FRMD4A: variants seen among roughly 807,000 people sequenced by gnomAD.
The protein encoded by FRMD4A is FERM domain containing 4A, also known as FERM domain-containing protein 4A.
Under a neutral mutation model 129.1 loss-of-function variants are expected in FRMD4A, and 29 were observed. The ratio of observed to expected loss-of-function variants is 0.22; its 90% CI spans 0.17 to 0.31. FRMD4A has a LOEUF of 0.31. Among genes scored for constraint, FRMD4A ranks in the 10% least tolerant of loss-of-function variants. The pLI is 1.00. For missense variants in FRMD4A, 1,272 were observed against 1,375.8 expected, an observed-to-expected ratio of 0.92 and a Z score of 1.19; for synonymous variants, 634 against 571.6, an observed-to-expected ratio of 1.11 and a Z score of -1.56.
chr10:13,656,705 A>C lies in FRMD4A; in HGVS notation c.2884T>G (p.Ser962Ala). ...TGCGCCACGAAGGTGCTCTGGGAGG[A>C]GGTGCTGTACTGCGAGCCGCTGTCC... ...SSDSGSQYST[S>A]SQSTFVAHSR... The change falls in exon 22 of 25, where the codon TCC (serine) becomes GCC (alanine). Residue 962 changes from serine (S) to alanine (A), a missense_variant. Coordinates refer to ENST00000357447, the MANE Select transcript of FRMD4A (RefSeq NM_018027.5). 1 of 1,576,356 alleles carries C rather than the reference A, an allele frequency of 6.3e-7. No homozygotes were observed. Among genetic ancestry groups the C allele is most frequent in the Non-Finnish European group, 8.6e-7 (1 of 1,161,970 alleles).
In FRMD4A at chr10:14,330,111, A is replaced by G. The variant is rs757359610; in HGVS notation, c.-9T>C. ...ACCAGCTGCACTGCCATGGTCTCCG[A>G]TTCCCATGCACGAATCCTGCTGCCG... On this transcript the variant is annotated 5_prime_UTR_variant, in exon 2 of 25. Coordinates refer to ENST00000357447, the MANE Select transcript of FRMD4A (RefSeq NM_018027.5). 3.9e-6 allele frequency: 6 copies of G among 1,552,006 alleles called. No homozygotes were observed. Among genetic ancestry groups the G allele is most frequent in the Non-Finnish European group, 5.2e-6 (6 of 1,147,280 alleles).
intron 2 of FRMD4A, among the ~76,000 whole-genome samples, chr10:14,284,903 G>A (rs889686838): frequency 1.3e-5 from 2 of 152,220 alleles, no homozygotes; most frequent in Non-Finnish European, 2.9e-5. Context: ...TCTTATACCC[G>A]CAGGAGGAGG....
intron 3 of FRMD4A, among the ~76,000 whole-genome samples, chr10:13,853,810 C>T (rs11258673): frequency 0.46 from 63,809 of 139,736 alleles, 14,215 homozygotes; most frequent in East Asian, 0.61. Context: ...CTAGCCTGGG[C>T]GATAGAGCAA....
intron 12 of FRMD4A, among the ~76,000 whole-genome samples, chr10:13,724,923 G>A (rs991511230): frequency 1.3e-5 from 2 of 152,246 alleles, no homozygotes; most frequent in South Asian, 2.1e-4. Context: ...TAGGAAAACC[G>A]CTTTTGGTTA....
At chr10:13,682,391 G>C (rs1270695622) in intron 15 of FRMD4A, among the ~76,000 whole-genome samples, 1 of 152,146 alleles carries the variant, frequency 6.6e-6, no homozygotes, top group Non-Finnish European at 1.5e-5. Context: ...AGCTCAGGAG[G>C]AGAAGGGTAA....
chr10:14,178,592 T>C (rs1481785036), intron 2 of FRMD4A, among the ~76,000 whole-genome samples: 2 of 152,166 alleles, frequency 1.3e-5, no homozygotes, highest in African/African-American at 4.8e-5. Context: ...TTAGAAAATA[T>C]TTTAACCTGG....
intron 2 of FRMD4A, among the ~76,000 whole-genome samples, chr10:14,182,302 G>T (rs919025821): frequency 2.0e-5 from 3 of 152,188 alleles, no homozygotes; most frequent in Non-Finnish European, 4.4e-5. Flanking sequence ...TGCTTTCGGA[G>T]GCTCAGGCAA....
At chr10:14,165,433 C>A (rs1002019629) in intron 2 of FRMD4A, among the ~76,000 whole-genome samples, 2 of 152,154 alleles carry the variant, frequency 1.3e-5, no homozygotes, top group African/African-American at 2.4e-5. Flanking sequence ...ATTAGTTCAA[C>A]CCCTGTTTAA....
rs898161197 is a variant in FRMD4A at position 13,677,531 on chromosome 10, G to A, written c.1118-2487C>T. ...AACTGGACACAAGAAAGCTTCATCC[G>A]TGACCTCATGGTTCTCAGGTACTAA... On this transcript the variant is annotated intron_variant, in intron 15 of 24. Coordinates refer to ENST00000357447, the MANE Select transcript of FRMD4A (RefSeq NM_018027.5). 1.6e-4 allele frequency among the ~76,000 whole-genome samples: 24 copies of A among 152,256 alleles called. 1 individual carries two copies. The highest frequency in any genetic ancestry group is 9.2e-4 in the Admixed American group (14 of 15,290).
chr10:13,785,815 C>T (rs2092843387), intron 5 of FRMD4A, among the ~76,000 whole-genome samples: 1 of 151,864 alleles, frequency 6.6e-6, no homozygotes, highest in Non-Finnish European at 1.5e-5. Context: ...TGTTCCCCAC[C>T]CTGTGTCCAA....
chr10:14,040,266 C>T (rs866887075), intron 2 of FRMD4A, among the ~76,000 whole-genome samples: 1 of 151,794 alleles, frequency 6.6e-6, no homozygotes, highest in Admixed American at 6.6e-5. Flanking sequence ...TGAACAGTCA[C>T]TTGCTCCCTG....
intron 6 of FRMD4A, among the ~76,000 whole-genome samples, chr10:13,779,871 C>T (rs1288753566): frequency 6.6e-6 from 1 of 152,018 alleles, no homozygotes; most frequent in Non-Finnish European, 1.5e-5. Context: ...AGCAACAAGC[C>T]TACACATCAT....
rs1007036752 is a variant in FRMD4A, at chr10:13,644,738, A to G, written c.*2300T>C. The G allele has an allele frequency of 9.9e-5, 15 of 152,156 alleles. No homozygotes were observed. The highest frequency in any genetic ancestry group is 3.6e-4 in the African/African-American group (15 of 41,428). The allele number at this position is 152,156 out of a possible 1,614,324, so 9.4% of individuals were successfully genotyped here. A position where few individuals can be genotyped will look rare whatever the true frequency, so the allele number is the denominator to read the frequency against. On this transcript the variant is annotated 3_prime_UTR_variant, in exon 25 of 25. Coordinates refer to ENST00000357447, the MANE Select transcript of FRMD4A (RefSeq NM_018027.5). The stretch of plus-strand genomic sequence containing the variant: ...CACAGTTCAGTCTGACTATCCATGA[A>G]TCTTCTTTGGGAGAAAGAAAAATGG...
chr10:13,813,309 G>T (rs564460076), intron 3 of FRMD4A, among the ~76,000 whole-genome samples: 1 of 152,354 alleles, frequency 6.6e-6, no homozygotes, highest in East Asian at 1.9e-4. Context: ...GCCAGGCGTG[G>T]TGGCGTGTGC....
chr10:14,159,863 A>T (rs1840792454), intron 2 of FRMD4A, among the ~76,000 whole-genome samples: 3 of 152,154 alleles, frequency 2.0e-5, no homozygotes, highest in Admixed American at 6.5e-5. Flanking sequence ...CAGCCTGGGT[A>T]ATATGGTGAA....
intron 16 of FRMD4A, among the ~76,000 whole-genome samples, chr10:13,671,369 G>T (rs1414416594): frequency 6.6e-6 from 1 of 152,110 alleles, no homozygotes; most frequent in Non-Finnish European, 1.5e-5. Context: ...CAGGAGAATC[G>T]CTTGAACCCG....
At position 13,821,407 on chromosome 10, in the gene FRMD4A, G is replaced by T. The variant is rs1014663306; in HGVS notation, c.112-10499C>A. Reference sequence around the variant, plus strand: ...ACCCCGAAGCCAAGATCAGAGACCCGCCTGCCAGAGGTGGCATCTCTTTAC... The same window carrying T: ...ACCCCGAAGCCAAGATCAGAGACCCTCCTGCCAGAGGTGGCATCTCTTTAC... On this transcript the variant is annotated intron_variant, in intron 3 of 24. Coordinates refer to ENST00000357447, the MANE Select transcript of FRMD4A (RefSeq NM_018027.5). The surrounding 1 kb of genome is among the most constrained non-coding windows in gnomAD (Gnocchi z 4.3). Among the ~76,000 whole-genome samples, 1 of 152,130 alleles carries T rather than the reference G, an allele frequency of 6.6e-6. No homozygotes were observed. Among genetic ancestry groups the T allele is most frequent in the Non-Finnish European group, 1.5e-5 (1 of 68,020 alleles).
At chr10:14,048,840 TAGA>T (rs1834109060) in intron 2 of FRMD4A, among the ~76,000 whole-genome samples, 1 of 28,776 alleles carries the variant, frequency 3.5e-5, no homozygotes, top group African/African-American at 1.8e-4. Flanking sequence ...TAGAATAGAA[TAGA>T]ATAGAATAGA....
chr10:14,203,824 T>C (rs1842706840), intron 2 of FRMD4A, among the ~76,000 whole-genome samples: 1 of 152,214 alleles, frequency 6.6e-6, no homozygotes, highest in Non-Finnish European at 1.5e-5. Context: ...ACGCTCCTCC[T>C]CGAAAAGCAT....
Sources: gnomAD v4.1 joint callset for allele counts (sites outside exome capture counted in the v4.1 genomes callset) on GRCh38, gnomAD v4.1.1 for gene constraint, Gnocchi (gnomAD v3.1) non-coding constraint, MANE v1.5 for transcripts, NCBI Gene and HGNC (gene_info 2026-07-23, HGNC 2026-07-21) for gene names.